The following PIK3R1 variants were observed in gnomAD, a reference collection of about 807,000 sequenced individuals.
PIK3R1 encodes the protein phosphoinositide-3-kinase regulatory subunit 1.
A neutral mutation model predicts 98.0 loss-of-function variants in PIK3R1; 29 were observed. That is an observed-to-expected ratio of 0.30 (90% CI 0.22 to 0.40). The LOEUF (loss-of-function observed/expected upper bound fraction) is 0.40, where lower values mean the gene tolerates loss of function less well. PIK3R1 is among the 10% of genes least tolerant of loss of function. PIK3R1 has a pLI of 1.00. For missense variants in PIK3R1, 596 were observed against 872.7 expected (o/e 0.68, Z 3.99); for synonymous variants, 282 against 311.8 (o/e 0.90, Z 1.01).
intron 2 of PIK3R1, among the ~76,000 whole-genome samples, chr5:68,244,513 C>CTGGGGGGGGGGGGGGGGGGGGGGGGGGGG: frequency 2.7e-5 from 1 of 37,512 alleles, no homozygotes; most frequent in East Asian, 5.2e-4. Context: ...TTCTCTAGGA[C>CTGGGGGGGGGGGGGGGGGGGGGGGGGGGG]CGCCCCCCCG....
At position 68,243,116 on chromosome 5, in the gene PIK3R1, G is replaced by A. The variant is rs368692356; in HGVS notation, c.334+16107G>A. On this transcript the variant is annotated intron_variant, in intron 2 of 15. Transcript: ENST00000521381. ...CCAGAAATCCCACTGGTCCACTGTC[G>A]CAATTTTTACAAAAGGCCACGATGA... Among the ~76,000 whole-genome samples, 37 of 151,200 alleles carry A rather than the reference G, an allele frequency of 2.4e-4. No homozygotes were observed. In the East Asian group the frequency reaches 6.2e-3, roughly 25 times the overall value.
At chr5:68,283,653 A>T (rs114515881) in intron 7 of PIK3R1, among the ~76,000 whole-genome samples, 2,410 of 152,366 alleles carry the variant, frequency 0.016, 67 homozygotes, top group African/African-American at 0.054. Context: ...AGTATCACAA[A>T]AAACATCATT....
intron 7 of PIK3R1, among the ~76,000 whole-genome samples, chr5:68,285,515 G>A (rs183364392): frequency 1.7e-4 from 26 of 152,354 alleles, no homozygotes; most frequent in Admixed American, 6.5e-4. Flanking sequence ...TTGTAGATGC[G>A]TAGAACTAAA....
At chr5:68,267,686 A>G (rs767570426) in intron 2 of PIK3R1, among the ~76,000 whole-genome samples, 5 of 151,862 alleles carry the variant, frequency 3.3e-5, no homozygotes, top group Admixed American at 6.6e-5. Flanking sequence ...CACACTCAAT[A>G]TAATTTAGCA....
intron 7 of PIK3R1, chr5:68,288,739 CATA>C: frequency 2.5e-6 from 4 of 1,613,696 alleles, no homozygotes; most frequent in Non-Finnish European, 3.4e-6. Context: ...CGTTGAAATG[CATA>C]ACCTGCAAAG....
intron 2 of PIK3R1, among the ~76,000 whole-genome samples, chr5:68,234,739 TAGAG>T (rs1387541704): frequency 6.6e-6 from 1 of 152,200 alleles, no homozygotes; most frequent in Non-Finnish European, 1.5e-5. Flanking sequence ...CCAAGGTAAG[TAGAG>T]AGTGATGGTT....
intron 1 of PIK3R1, among the ~76,000 whole-genome samples, chr5:68,219,496 T>C (rs533342884): frequency 1.3e-4 from 20 of 152,342 alleles, no homozygotes; most frequent in African/African-American, 4.6e-4. Context: ...GATCAAGGGC[T>C]GTACCATGAG....
chr5:68,226,728 GAGA>G lies in PIK3R1; in HGVS notation c.60_62del (p.Glu20del). On this transcript the variant is annotated inframe_deletion, in exon 2 of 16. Transcript: ENST00000521381. ...GCGCTGTATGATTATAAAAAGGAAA[GAGA>G]AGAAGATATTGACTTGCACTTGGGT... 3.7e-6 allele frequency: 6 copies of G among 1,614,162 alleles called. No homozygotes were observed. The highest frequency in any genetic ancestry group is 1.1e-5 in the South Asian group (1 of 91,082).
At chr5:68,279,058 A>G (rs1215985116) in intron 4 of PIK3R1, among the ~76,000 whole-genome samples, 1 of 152,162 alleles carries the variant, frequency 6.6e-6, no homozygotes, top group African/African-American at 2.4e-5. Flanking sequence ...TGCTCACTGC[A>G]TCCTCACAGC....
intron 2 of PIK3R1, among the ~76,000 whole-genome samples, chr5:68,272,482 T>C (rs1746403630): frequency 6.6e-6 from 1 of 152,178 alleles, no homozygotes; most frequent in South Asian, 2.1e-4. Context: ...TTCACAAATT[T>C]AAGATGAATA....
At chr5:68,273,676 A>G (rs1746455257) in intron 3 of PIK3R1, 194 bp downstream of exon 3, 2 of 600,658 alleles carry the variant, frequency 3.3e-6, no homozygotes, top group African/African-American at 1.9e-5. Context: ...ACTCTAGATT[A>G]TCATGTAGTT....
chr5:68,286,228 A>G (rs1747073400), intron 7 of PIK3R1, among the ~76,000 whole-genome samples: 1 of 152,218 alleles, frequency 6.6e-6, no homozygotes, highest in South Asian at 2.1e-4. Context: ...AATGATACAT[A>G]TTGTTTTAAA....
In PIK3R1 at chr5:68,297,418, C is replaced by G. The variant is rs114163757; in HGVS notation, c.1992C>G (p.Asp664Glu). Reference protein sequence around the residue: ...QGCYACSVVVDGEVKHCVINK... With the variant: ...QGCYACSVVVEGEVKHCVINK... The stretch of plus-strand genomic sequence containing the variant: ...TTTCTTCTCTCCTCTCTAGGGTGGA[C>G]GGCGAAGTAAAGCATTGTGTCATAA... Residue 664 changes from aspartate to glutamate, a missense_variant, in exon 16 of 16, where the codon GAC becomes GAG. By Grantham distance (45) the Asp-to-Glu change is conservative. Around this residue, in one of 3 missense-constraint regions of PIK3R1, gnomAD observed 207 missense variants for 361.4 expected, o/e 0.57. Transcript: ENST00000521381. The G allele has an allele frequency of 3.1e-6, 5 of 1,612,310 alleles. No homozygotes were observed. Among genetic ancestry groups the G allele is most frequent in the Non-Finnish European group, 4.2e-6 (5 of 1,178,946 alleles).
rs781449964 is a variant in PIK3R1 at position 68,294,667 on chromosome 5, A to G, written c.1557A>G (p.Lys519=). 2 of 1,605,182 alleles carry G rather than the reference A, an allele frequency of 1.2e-6. No homozygotes were observed. The highest frequency in any genetic ancestry group is 1.1e-5 in the South Asian group (1 of 89,128). ...AGTTTAAACGTGAAGGCAATGAGAA[A>G]GAAATACAAAGGTTGGTGTTTCCCT... ...IEKFKREGNE[K]EIQRIMHNYD... Residue 519 remains lysine (K), a synonymous_variant, in exon 12 of 16, where the codon AAA becomes AAG. Coordinates refer to ENST00000521381, the MANE Select transcript of PIK3R1 (RefSeq NM_181523.3).
chr5:68,284,584 G>A (rs867548597), intron 7 of PIK3R1, among the ~76,000 whole-genome samples: 8 of 152,176 alleles, frequency 5.3e-5, no homozygotes, highest in Middle Eastern at 3.2e-3. Context: ...GGTCCTTCCC[G>A]TTTTATATGC....
chr5:68,226,586 C>A lies in PIK3R1; in HGVS notation c.-90C>A. 1 of 1,035,558 alleles carries A rather than the reference C, an allele frequency of 9.7e-7. No homozygotes were observed. Among genetic ancestry groups the A allele is most frequent in the Non-Finnish European group, 1.5e-6 (1 of 689,610 alleles). The allele number at this position is 1,035,558 out of a possible 1,614,324, so 64.1% of individuals were successfully genotyped here. A position where few individuals can be genotyped will look rare whatever the true frequency, so the allele number is the denominator to read the frequency against. On this transcript the variant is annotated 5_prime_UTR_variant, in exon 2 of 16. Coordinates refer to ENST00000521381, the MANE Select transcript of PIK3R1 (RefSeq NM_181523.3). ...TGGACACATAATAGGAATTCTAACA[C>A]ATTCTCTGAATTCACTTTTCATAAA... is the stretch of plus-strand genomic sequence containing the variant.
intron 5 of PIK3R1, 164 bp from the exon 6 acceptor site, chr5:68,280,364 G>A (rs899153211): frequency 2.6e-5 from 16 of 627,068 alleles, no homozygotes; most frequent in African/African-American, 7.3e-5. Flanking sequence ...CTCATAATGC[G>A]TTTTCTAATG....
At chr5:68,283,201 T>C (rs1162170782) in intron 7 of PIK3R1, among the ~76,000 whole-genome samples, 3 of 152,240 alleles carry the variant, frequency 2.0e-5, no homozygotes, top group African/African-American at 7.2e-5. Flanking sequence ...GTAACATTGT[T>C]GTGAACACAA....
intron 7 of PIK3R1, chr5:68,288,514 G>A (rs1698587968): frequency 5.2e-6 from 7 of 1,340,186 alleles, no homozygotes; most frequent in Non-Finnish European, 4.8e-6. Flanking sequence ...GCGGAGGGAC[G>A]AGCCGAGCCG....
Sources: allele counts gnomAD v4.1 joint callset (sites outside exome capture counted in the v4.1 genomes callset), GRCh38; gene constraint gnomAD v4.1.1; regional missense constraint gnomAD v4.1.1; transcripts MANE v1.5; gene names NCBI Gene and HGNC (gene_info 2026-07-23, HGNC 2026-07-21).